The following TRAPPC9 variants were observed in gnomAD, a reference collection of about 807,000 sequenced individuals.
TRAPPC9 encodes trafficking protein particle complex subunit 9.
In TRAPPC9, 83 loss-of-function variants were observed where a neutral mutation model predicts 124.0. The observed-to-expected ratio is 0.67, with a 90% confidence interval of 0.56 to 0.80. TRAPPC9 has a LOEUF of 0.80. Among genes scored for constraint, TRAPPC9 ranks in the 30% least tolerant of loss-of-function variants. The pLI, the probability that TRAPPC9 is intolerant of heterozygous loss-of-function variation, is 0.00. For synonymous variants in TRAPPC9, 638 were observed against 617.5 expected, an observed-to-expected ratio of 1.03 and a Z score of -0.49; for missense variants, 1,302 against 1,508.3, an observed-to-expected ratio of 0.86 and a Z score of 2.27.
At chr8:139,943,724 T>C (rs1205734403) in intron 19 of TRAPPC9, among the ~76,000 whole-genome samples, 2 of 152,082 alleles carry the variant, frequency 1.3e-5, no homozygotes, top group East Asian at 3.9e-4. Flanking sequence ...CTTTAAAAAG[T>C]GGAAAAGCTA....
intron 5 of TRAPPC9, among the ~76,000 whole-genome samples, chr8:140,410,141 CAAAAAAA>C (rs61149910): frequency 0.012 from 834 of 70,202 alleles, 5 homozygotes; most frequent in African/African-American, 0.035. Context: ...ACCTTGTCTC[CAAAAAAA>C]AAAAAAAAAA....
intron 19 of TRAPPC9, among the ~76,000 whole-genome samples, chr8:139,936,441 A>G (rs1306421802): frequency 6.6e-6 from 1 of 152,202 alleles, no homozygotes; most frequent in Non-Finnish European, 1.5e-5. Context: ...GTCGACACCT[A>G]TATGCGGAGC....
In TRAPPC9 at chr8:140,353,523, G is replaced by A. The variant is rs761405650; in HGVS notation, c.1495+6527C>T. On this transcript the variant is annotated intron_variant, in intron 9 of 22. Coordinates refer to ENST00000438773, the MANE Select transcript of TRAPPC9 (RefSeq NM_001160372.4). This position sits in a 1 kb window ranked among gnomAD's most constrained non-coding sequence, Gnocchi z 4.2. Reference sequence around the variant, plus strand: ...CAGTTTACCTAACTAGTTTTTCCCCGTGTTCCCTTTTTAAGCTACGTGATG... The same window carrying A: ...CAGTTTACCTAACTAGTTTTTCCCCATGTTCCCTTTTTAAGCTACGTGATG... Among the ~76,000 whole-genome samples the A allele has an allele frequency of 1.1e-4, 17 of 152,082 alleles. No individual in the cohort carries two copies. The highest frequency in any genetic ancestry group is 3.9e-4 in the East Asian group (2 of 5,194).
At chr8:140,276,731 G>A (rs1055855399) in intron 14 of TRAPPC9, among the ~76,000 whole-genome samples, 1 of 152,016 alleles carries the variant, frequency 6.6e-6, no homozygotes, top group African/African-American at 2.4e-5. Context: ...GCATGTGACA[G>A]GTGAGGTTAA....
chr8:139,907,959 C>T lies in TRAPPC9; in HGVS notation c.2964+2188G>A, dbSNP rs903888425. ...GGAGTCACAGTTTTCATCTGCAAGACGGGAAGACAGGATAATGAAACCGCC... is the reference window on the plus strand; with the variant it reads ...GGAGTCACAGTTTTCATCTGCAAGATGGGAAGACAGGATAATGAAACCGCC... On this transcript the variant is annotated intron_variant, in intron 20 of 22. Coordinates refer to ENST00000438773, the MANE Select transcript of TRAPPC9 (RefSeq NM_001160372.4). This position sits in a 1 kb window ranked among gnomAD's most constrained non-coding sequence, Gnocchi z 4.7. Among the ~76,000 whole-genome samples the T allele has an allele frequency of 7.9e-5, 12 of 152,144 alleles. No individual in the cohort carries two copies. The highest frequency in any genetic ancestry group is 1.3e-4 in the Admixed American group (2 of 15,276).
At chr8:140,374,773 T>C (rs971174181) in intron 7 of TRAPPC9, among the ~76,000 whole-genome samples, 2 of 152,072 alleles carry the variant, frequency 1.3e-5, no homozygotes, top group African/African-American at 4.8e-5. Flanking sequence ...CCATCTAAAA[T>C]AAAGGTGACA....
At chr8:140,177,488 T>C (rs767839158) in intron 17 of TRAPPC9, among the ~76,000 whole-genome samples, 1 of 152,206 alleles carries the variant, frequency 6.6e-6, no homozygotes, top group Non-Finnish European at 1.5e-5. Flanking sequence ...GGACTTCCTA[T>C]TTTGTTTCCA....
At chr8:139,764,105 A>G (rs1206499274) in intron 21 of TRAPPC9, among the ~76,000 whole-genome samples, 1 of 152,138 alleles carries the variant, frequency 6.6e-6, no homozygotes, top group Non-Finnish European at 1.5e-5. Flanking sequence ...GATGGCAAGT[A>G]CGGTGAGGGC....
At chr8:140,075,244 T>C (rs1468775197) in intron 17 of TRAPPC9, among the ~76,000 whole-genome samples, 1 of 152,228 alleles carries the variant, frequency 6.6e-6, no homozygotes, top group African/African-American at 2.4e-5. Context: ...TCTTGGAGGT[T>C]AAATGCTATA....
intron 17 of TRAPPC9, among the ~76,000 whole-genome samples, chr8:140,135,580 T>C (rs2061289078): frequency 6.6e-6 from 1 of 152,140 alleles, no homozygotes; most frequent in Admixed American, 6.5e-5. Flanking sequence ...TCATCTAGAA[T>C]AGGCAAATCC....
chr8:140,115,602 T>C (rs2060866489), intron 17 of TRAPPC9, among the ~76,000 whole-genome samples: 1 of 145,776 alleles, frequency 6.9e-6, no homozygotes, highest in East Asian at 2.1e-4. Flanking sequence ...TTATTTTTTT[T>C]TCTCCAAATA....
At chr8:140,121,334 T>A (rs913187228) in intron 17 of TRAPPC9, among the ~76,000 whole-genome samples, 1 of 152,074 alleles carries the variant, frequency 6.6e-6, no homozygotes, top group Non-Finnish European at 1.5e-5. Flanking sequence ...AGAGGGACAG[T>A]GTTAAGGGTC....
intron 21 of TRAPPC9, among the ~76,000 whole-genome samples, chr8:139,762,226 A>G (rs1346374370): frequency 6.6e-6 from 1 of 152,004 alleles, no homozygotes; most frequent in Non-Finnish European, 1.5e-5. Context: ...AGAGCGGCCC[A>G]CTGCAAAAGT....
At chr8:140,204,681 C>G (rs538536109) in intron 17 of TRAPPC9, among the ~76,000 whole-genome samples, 372 of 152,310 alleles carry the variant, frequency 2.4e-3, no homozygotes, top group Middle Eastern at 6.8e-3. Context: ...TGTGACACAC[C>G]AGCTCCCCCT....
chr8:140,279,703 C>T (rs973194483), intron 14 of TRAPPC9, among the ~76,000 whole-genome samples: 8 of 152,100 alleles, frequency 5.3e-5, no homozygotes, highest in Middle Eastern at 3.4e-3. Flanking sequence ...ACAGTGCATC[C>T]GCAGGACAAT....
intron 21 of TRAPPC9, among the ~76,000 whole-genome samples, chr8:139,757,112 A>G (rs1344747385): frequency 8.0e-6 from 1 of 124,318 alleles, no homozygotes; most frequent in Non-Finnish European, 1.7e-5. Context: ...TGAGGACAGC[A>G]TGTCGCAGGA....
At chr8:139,996,689 G>C (rs951157315) in intron 18 of TRAPPC9, among the ~76,000 whole-genome samples, 1 of 152,100 alleles carries the variant, frequency 6.6e-6, no homozygotes, top group Non-Finnish European at 1.5e-5. Context: ...GACATAAACA[G>C]ATTCAGAAAC....
At chr8:139,779,734 C>T (rs1821658146) in intron 21 of TRAPPC9, among the ~76,000 whole-genome samples, 1 of 152,082 alleles carries the variant, frequency 6.6e-6, no homozygotes, top group South Asian at 2.1e-4. Context: ...GATCAACTAT[C>T]TTTGTTCATA....
intron 21 of TRAPPC9, among the ~76,000 whole-genome samples, chr8:139,836,134 G>A (rs972451413): frequency 6.6e-6 from 1 of 152,060 alleles, no homozygotes; most frequent in Non-Finnish European, 1.5e-5. Context: ...TCAGCCTCCT[G>A]AGTAGCTGGA....
Sources: allele counts gnomAD v4.1 joint callset (sites outside exome capture counted in the v4.1 genomes callset), GRCh38; gene constraint gnomAD v4.1.1; non-coding constraint Gnocchi (gnomAD v3.1); transcripts MANE v1.5; gene names NCBI Gene and HGNC (gene_info 2026-07-23, HGNC 2026-07-21).